The following MGA variants were observed in gnomAD, a reference collection of about 807,000 sequenced individuals.
MGA encodes MAX gene-associated protein.
In MGA, 40 loss-of-function variants were observed where a neutral mutation model predicts 261.1. That is an observed-to-expected ratio of 0.15 (90% CI 0.12 to 0.20). MGA has a LOEUF of 0.20. MGA is among the 10% of genes least tolerant of loss of function. MGA has a pLI of 1.00. For missense variants in MGA, 3,397 were observed against 3,630.5 expected (o/e 0.94, Z 1.65); for synonymous variants, 1,302 against 1,290.6 (o/e 1.01, Z -0.19).
intron 2 of MGA, among the ~76,000 whole-genome samples, chr15:41,685,819 G>C (rs1247106407): frequency 6.6e-6 from 1 of 151,746 alleles, no homozygotes; most frequent in African/African-American, 2.4e-5. Flanking sequence ...TGGCTAACAC[G>C]GTGAAACCCC....
chr15:41,686,490 T>C (rs2058978632), intron 2 of MGA, among the ~76,000 whole-genome samples: 1 of 152,180 alleles, frequency 6.6e-6, no homozygotes, highest in Admixed American at 6.5e-5. Flanking sequence ...GAGCCATGGT[T>C]GTACCACTGC....
intron 18 of MGA, among the ~76,000 whole-genome samples, chr15:41,756,136 C>A (rs2063137289): frequency 6.6e-6 from 1 of 151,108 alleles, no homozygotes; most frequent in South Asian, 2.1e-4. Flanking sequence ...AGTGAAAAGC[C>A]AAACTCAGAT....
chr15:41,721,721 G>A (rs888225447), intron 9 of MGA, among the ~76,000 whole-genome samples: 2 of 152,136 alleles, frequency 1.3e-5, no homozygotes, highest in African/African-American at 2.4e-5. Flanking sequence ...TATTGATAAA[G>A]ACAATGAACA....
intron 9 of MGA, among the ~76,000 whole-genome samples, chr15:41,720,605 G>A (rs2060886396): frequency 6.6e-6 from 1 of 152,206 alleles, no homozygotes; most frequent in South Asian, 2.1e-4. Context: ...GCCGAGGTGG[G>A]CAGATTGCCT....
chr15:41,649,617 A>G (rs2057001462), intron 1 of MGA, among the ~76,000 whole-genome samples: 1 of 152,138 alleles, frequency 6.6e-6, no homozygotes, highest in Non-Finnish European at 1.5e-5. Flanking sequence ...GTAGTTGGAT[A>G]TGGAGAAAAG....
At chr15:41,689,422 C>A (rs975126032) in intron 2 of MGA, among the ~76,000 whole-genome samples, 10 of 151,014 alleles carry the variant, frequency 6.6e-5, no homozygotes, top group Admixed American at 5.3e-4. Flanking sequence ...CTCCTCTTTC[C>A]CTCTCTCCTT....
At chr15:41,687,941 T>C (rs2059054162) in intron 2 of MGA, among the ~76,000 whole-genome samples, 1 of 152,240 alleles carries the variant, frequency 6.6e-6, no homozygotes, top group Admixed American at 6.5e-5. Flanking sequence ...TGTCTGTTTC[T>C]CTTTTTGGTA....
At chr15:41,699,221 CCT>C (rs1301473419) in intron 5 of MGA, 62 bp downstream of exon 5, 11 of 1,014,170 alleles carry the variant, frequency 1.1e-5, no homozygotes, top group African/African-American at 3.3e-5. Context: ...TACTGTTTCT[CCT>C]CTTTTTCCTC....
Position 41,708,141 on chromosome 15 carries a change from C to G in MGA, c.2358C>G (p.Thr786=). 1 of 1,599,886 alleles carries G rather than the reference C, an allele frequency of 6.3e-7. No individual in the cohort carries two copies. ...CCTTTGTTTCTAGGACAGGGAAAACCAATGATTTCACTAAGATCAAGGGAT... is the reference window on the plus strand; with the variant it reads ...CCTTTGTTTCTAGGACAGGGAAAACGAATGATTTCACTAAGATCAAGGGAT... The change falls in exon 7 of 24, where the codon ACC becomes ACG. Residue 786 remains threonine (T), a synonymous_variant. Transcript: ENST00000219905.
intron 1 of MGA, among the ~76,000 whole-genome samples, chr15:41,624,648 T>G (rs1273472169): frequency 6.6e-6 from 1 of 152,126 alleles, no homozygotes; most frequent in East Asian, 1.9e-4. Flanking sequence ...TTTTGTATTT[T>G]TAGTAGAGAC....
intron 18 of MGA, among the ~76,000 whole-genome samples, chr15:41,755,358 C>A (rs1292565485): frequency 6.6e-6 from 1 of 152,096 alleles, no homozygotes. Context: ...TTCTTCAGTC[C>A]GGAGCTGTTT....
intron 13 of MGA, among the ~76,000 whole-genome samples, chr15:41,738,104 A>C (rs1567056967): frequency 1.3e-5 from 2 of 152,134 alleles, no homozygotes; most frequent in South Asian, 4.1e-4. Context: ...CTCCATTAAT[A>C]ATATGATTGA....
At chr15:41,731,508 C>G (rs796750508) in intron 11 of MGA, among the ~76,000 whole-genome samples, 6 of 152,232 alleles carry the variant, frequency 3.9e-5, no homozygotes, top group African/African-American at 1.4e-4. Context: ...TAATATACTA[C>G]TTTTACTTTG....
chr15:41,736,516 G>T lies in MGA; in HGVS notation c.4252G>T (p.Asp1418Tyr). 6.2e-7 allele frequency: 1 copy of T among 1,614,016 alleles called. No homozygotes were observed. The highest frequency in any genetic ancestry group is 1.3e-5 in the African/African-American group (1 of 75,046). The change falls in exon 13 of 24, where the codon GAT becomes TAT. Residue 1418 changes from aspartate to tyrosine, a missense_variant. By Grantham distance (160) the Asp-to-Tyr change is radical. Coordinates refer to ENST00000219905, the MANE Select transcript of MGA (RefSeq NM_001164273.2). ...TGAGAAATCTGGATCAGAGACTCCT[G>T]ATGGTCCATTGTCCCCTGGGAAAAT...
chr15:41,711,092 T>G lies in MGA; in HGVS notation c.2827T>G (p.Ser943Ala). ...AGGAGATAAGGTTACCAAGAATTCT[T>G]CAGGCATCATCTCAGAAAATCAGGC... The change falls in exon 8 of 24, where the codon TCA (serine) becomes GCA (alanine). Residue 943 changes from serine to alanine, a missense_variant. This residue lies in a region of MGA where 519 missense variants were observed against 554.1 expected (regional missense o/e 0.94). Coordinates refer to ENST00000219905, the MANE Select transcript of MGA (RefSeq NM_001164273.2). 7.4e-6 allele frequency: 12 copies of G among 1,614,038 alleles called. No individual in the cohort carries two copies. The highest frequency in any genetic ancestry group is 1.0e-5 in the Non-Finnish European group (12 of 1,179,890).
chr15:41,707,752 A>C lies in MGA; in HGVS notation c.2213A>C (p.Asp738Ala). ...GTGGGCTTAAAATTGAATTCAGTGG[A>C]TCCAACAATGAGCATTGATCTTAAA... is the stretch of plus-strand genomic sequence containing the variant. The change falls in exon 6 of 24, where the codon GAT becomes GCT. Residue 738 changes from aspartate to alanine, a missense_variant. By Grantham distance (126) the Asp-to-Ala change is moderately radical. Coordinates refer to ENST00000219905, the MANE Select transcript of MGA (RefSeq NM_001164273.2). 1 of 1,610,258 alleles carries C rather than the reference A, an allele frequency of 6.2e-7. No individual in the cohort carries two copies. The highest frequency in any genetic ancestry group is 8.5e-7 in the Non-Finnish European group (1 of 1,178,720).
rs538192935 is a variant in MGA, at chr15:41,726,012, T to A, written c.3431-1168T>A. Among the ~76,000 whole-genome samples, 11 of 152,342 alleles carry A rather than the reference T, an allele frequency of 7.2e-5. No homozygotes were observed. The South Asian group carries it at 2.3e-3, about 32-fold the overall frequency. Reference sequence around the variant, plus strand: ...AAAATGCATATATTGGTCTATAACATGACATTTTGATGTAAATTGTAGAAT... The same window carrying A: ...AAAATGCATATATTGGTCTATAACAAGACATTTTGATGTAAATTGTAGAAT... On this transcript the variant is annotated intron_variant, in intron 9 of 23. Coordinates refer to ENST00000219905, the MANE Select transcript of MGA (RefSeq NM_001164273.2).
chr15:41,761,930 A>T (rs1267079799), intron 21 of MGA, 80 bp downstream of exon 21: 1 of 1,173,400 alleles, frequency 8.5e-7, no homozygotes, highest in East Asian at 2.6e-5. Context: ...TCTTTCAGAT[A>T]CTTAATTGAA....
chr15:41,708,486 T>C (rs886580314), intron 7 of MGA, among the ~76,000 whole-genome samples: 1 of 152,092 alleles, frequency 6.6e-6, no homozygotes, highest in Admixed American at 6.5e-5. Flanking sequence ...GCTGGCTAAT[T>C]TTTTGTATTT....
Sources: allele counts gnomAD v4.1 joint callset (sites outside exome capture counted in the v4.1 genomes callset), GRCh38; gene constraint gnomAD v4.1.1; regional missense constraint gnomAD v4.1.1; transcripts MANE v1.5; gene names NCBI Gene and HGNC (gene_info 2026-07-23, HGNC 2026-07-21).